The following DCLK1 variants were observed in gnomAD, a reference collection of about 807,000 sequenced individuals.
DCLK1 encodes serine/threonine-protein kinase DCLK1.
Under a neutral mutation model 86.2 loss-of-function variants are expected in DCLK1, and 16 were observed. The observed-to-expected ratio is 0.19, with a 90% CI of 0.13 to 0.28. DCLK1 has a LOEUF of 0.28. DCLK1 is among the 10% of genes least tolerant of loss of function. DCLK1 has a pLI of 1.00. For missense variants in DCLK1, 590 were observed against 940.2 expected, an observed-to-expected ratio of 0.63 and a Z score of 4.87; for synonymous variants, 369 against 370.5, an observed-to-expected ratio of 1.00 and a Z score of 0.05.
At chr13:35,802,930 A>T (rs536744948) in intron 15 of DCLK1, among the ~76,000 whole-genome samples, 10 of 152,312 alleles carry the variant, frequency 6.6e-5, no homozygotes, top group African/African-American at 2.4e-4. Context: ...CTCCCCGCAC[A>T]GCTAAGAAAA....
rs1350213751 is a variant in DCLK1, at chr13:36,112,059, T to C, written c.533A>G (p.Glu178Gly). Residue 178 changes from glutamate to glycine, a missense_variant, in exon 3 of 17, where the codon GAG becomes GGG. Physicochemically the swap from Glu to Gly is moderately conservative, Grantham distance 98. This residue lies in a region of DCLK1 where 195 missense variants were observed against 365.1 expected (regional missense o/e 0.53). Coordinates refer to ENST00000360631, the MANE Select transcript of DCLK1 (RefSeq NM_001330071.2). ...TAKGSPSEVR[E>G]NKDFIRPKLV... ...CTTGGGCCGAATGAAATCCTTATTC[T>C]CTCGCACCTCTGAAGGGCTTCCTTT... 6.2e-7 allele frequency: 1 copy of C among 1,614,172 alleles called. No homozygotes were observed. The highest frequency in any genetic ancestry group is 8.5e-7 in the Non-Finnish European group (1 of 1,180,028).
rs901526765 is a variant in DCLK1 at position 35,774,197 on chromosome 13, C to A, written c.*338G>T. ...CCAAACAAGAATTCTCAATAAAATT[C>A]TATGCACTCAGAGGGTTAACAAGTG... On this transcript the variant is annotated 3_prime_UTR_variant, in exon 17 of 17. Coordinates refer to ENST00000360631, the MANE Select transcript of DCLK1 (RefSeq NM_001330071.2). 2 of 189,866 alleles carry A rather than the reference C, an allele frequency of 1.1e-5. No homozygotes were observed. The highest frequency in any genetic ancestry group is 2.6e-4 in the East Asian group (2 of 7,826). The allele number at this position is 189,866 out of a possible 1,614,324, so 11.8% of individuals were successfully genotyped here.
intron 3 of DCLK1, among the ~76,000 whole-genome samples, chr13:36,078,716 T>C (rs1467154366): frequency 6.6e-6 from 1 of 152,210 alleles, no homozygotes; most frequent in Admixed American, 6.5e-5. Context: ...GATTAGCTCT[T>C]GGTAGACAGA....
chr13:35,827,890 G>C, intron 9 of DCLK1, 136 bp from the exon 10 acceptor site: 1 of 1,079,892 alleles, frequency 9.3e-7, no homozygotes, highest in South Asian at 1.6e-5. Context: ...CTTATATTCT[G>C]ATATTCAGAT....
intron 11 of DCLK1, among the ~76,000 whole-genome samples, chr13:35,817,823 G>A (rs907566009): frequency 2.6e-5 from 4 of 152,170 alleles, no homozygotes; most frequent in African/African-American, 9.7e-5. Flanking sequence ...TGAACGAACA[G>A]CCTTCTCCAG....
intron 3 of DCLK1, among the ~76,000 whole-genome samples, chr13:35,958,039 CCACCACCA>C (rs1878126289): frequency 1.4e-5 from 2 of 140,644 alleles, no homozygotes; most frequent in East Asian, 4.4e-4. Flanking sequence ...ACTACCACCA[CCACCACCA>C]TCACCACTAT....
intron 3 of DCLK1, among the ~76,000 whole-genome samples, chr13:36,022,138 A>G (rs999878872): frequency 2.0e-5 from 3 of 152,120 alleles, no homozygotes; most frequent in African/African-American, 7.2e-5. Context: ...GAAATTTATG[A>G]ATATATGGAA....
chr13:35,849,364 A>T (rs1870439929), intron 6 of DCLK1: 1 of 985,264 alleles, frequency 1.0e-6, no homozygotes, highest in Non-Finnish European at 1.2e-6. Flanking sequence ...AATTTGAAAA[A>T]AAAAATCATG....
chr13:35,888,767 G>A (rs1216343845), intron 4 of DCLK1, among the ~76,000 whole-genome samples: 1 of 152,170 alleles, frequency 6.6e-6, no homozygotes, highest in African/African-American at 2.4e-5. Flanking sequence ...CAATCCACAA[G>A]GCAGTTATCG....
chr13:36,110,427 T>C (rs1435980576), intron 3 of DCLK1, among the ~76,000 whole-genome samples: 68 of 152,150 alleles, frequency 4.5e-4, no homozygotes, highest in Non-Finnish European at 4.4e-5. Flanking sequence ...AAGCAAAAGA[T>C]GGTAAATACA....
At chr13:35,964,060 A>G (rs1547838) in intron 3 of DCLK1, among the ~76,000 whole-genome samples, 70,980 of 152,070 alleles carry the variant, frequency 0.47, 18,161 homozygotes, top group Non-Finnish European at 0.56. Context: ...CATGAAGTTA[A>G]ACTTGGAGAG....
At chr13:35,844,939 G>A (rs564469361) in intron 6 of DCLK1, among the ~76,000 whole-genome samples, 3 of 152,286 alleles carry the variant, frequency 2.0e-5, no homozygotes, top group Non-Finnish European at 2.9e-5. Flanking sequence ...GAACTTAAAT[G>A]GTAATTGCAA....
At chr13:35,845,536 A>G (rs2153108923) in intron 6 of DCLK1, among the ~76,000 whole-genome samples, 1 of 152,318 alleles carries the variant, frequency 6.6e-6, no homozygotes, top group Middle Eastern at 3.4e-3. Context: ...CTTCAAGCCT[A>G]GGACACCATT....
At chr13:35,987,720 A>G (rs1880003666) in intron 3 of DCLK1, among the ~76,000 whole-genome samples, 1 of 152,182 alleles carries the variant, frequency 6.6e-6, no homozygotes, top group East Asian at 1.9e-4. Context: ...ACCCGCCCTG[A>G]GTAACGCGGC....
chr13:35,980,499 T>C (rs1265654814), intron 3 of DCLK1, among the ~76,000 whole-genome samples: 1 of 152,102 alleles, frequency 6.6e-6, no homozygotes, highest in Non-Finnish European at 1.5e-5. Flanking sequence ...CTACTTTCTG[T>C]CTTTGTAATT....
intron 4 of DCLK1, among the ~76,000 whole-genome samples, chr13:35,917,056 G>T (rs1875459039): frequency 6.6e-6 from 1 of 152,100 alleles, no homozygotes; most frequent in African/African-American, 2.4e-5. Context: ...AACAGGCCTT[G>T]CTTAACCCCC....
At chr13:35,914,147 C>T (rs1012961212) in intron 4 of DCLK1, among the ~76,000 whole-genome samples, 6 of 151,030 alleles carry the variant, frequency 4.0e-5, no homozygotes, top group South Asian at 4.2e-4. Flanking sequence ...GTGAGACACG[C>T]GTCTCTACAA....
intron 4 of DCLK1, among the ~76,000 whole-genome samples, chr13:35,901,494 A>AG (rs1874362003): frequency 7.5e-6 from 1 of 133,892 alleles, no homozygotes; most frequent in African/African-American, 3.3e-5. Flanking sequence ...TCTGTCTCAA[A>AG]AAAAAAAAAA....
chr13:36,104,225 G>A (rs1885315707), intron 3 of DCLK1, among the ~76,000 whole-genome samples: 1 of 152,126 alleles, frequency 6.6e-6, no homozygotes, highest in African/African-American at 2.4e-5. Context: ...TAAGGACCTT[G>A]CTGAATACTG....
Sources: gnomAD v4.1 joint callset for allele counts (sites outside exome capture counted in the v4.1 genomes callset) on GRCh38, gnomAD v4.1.1 for gene constraint, gnomAD v4.1.1 regional missense constraint, MANE v1.5 for transcripts, NCBI Gene and HGNC (gene_info 2026-07-23, HGNC 2026-07-21) for gene names.